Variants in KDM4C observed in about 807,000 individuals in gnomAD.
KDM4C encodes the protein lysine demethylase 4C.
In KDM4C, 81 loss-of-function variants were observed where a neutral mutation model predicts 129.3. That is an observed-to-expected ratio of 0.63 (90% confidence interval 0.52 to 0.75). The LOEUF (loss-of-function observed/expected upper bound fraction) is 0.75, where lower values mean the gene tolerates loss of function less well. Among genes scored for constraint, KDM4C ranks in the 30% least tolerant of loss-of-function variants. The pLI, the probability that KDM4C is intolerant of heterozygous loss-of-function variation, is 0.00. For synonymous variants in KDM4C, 573 were observed against 456.1 expected (o/e 1.26, Z -3.26); for missense variants, 1,457 against 1,304.0 (o/e 1.12, Z -1.81).
At chr9:7,089,460 C>T (rs150939861) in intron 17 of KDM4C, among the ~76,000 whole-genome samples, 108 of 152,248 alleles carry the variant, frequency 7.1e-4, no homozygotes, top group Middle Eastern at 3.4e-3. Flanking sequence ...TACTGTTAGA[C>T]GGGTTCCTTT....
At chr9:6,966,706 G>T (rs1054902398) in intron 8 of KDM4C, among the ~76,000 whole-genome samples, 2 of 152,014 alleles carry the variant, frequency 1.3e-5, no homozygotes, top group African/African-American at 2.4e-5. Flanking sequence ...TTTGTCAAAG[G>T]CATCCAACCA....
intron 8 of KDM4C, among the ~76,000 whole-genome samples, chr9:6,970,741 G>A (rs931745187): frequency 2.6e-5 from 4 of 152,164 alleles, no homozygotes; most frequent in Non-Finnish European, 5.9e-5. Context: ...GAAAGTATGA[G>A]CAGAATTGGT....
intron 17 of KDM4C, among the ~76,000 whole-genome samples, chr9:7,071,645 C>G (rs1477512568): frequency 6.6e-6 from 1 of 152,088 alleles, no homozygotes; most frequent in Non-Finnish European, 1.5e-5. Flanking sequence ...AAACAAACAT[C>G]AAACCAGAAA....
At chr9:6,731,042 T>G (rs972524377) in intron 1 of KDM4C, among the ~76,000 whole-genome samples, 1 of 152,216 alleles carries the variant, frequency 6.6e-6, no homozygotes, top group African/African-American at 2.4e-5. Context: ...CACCCTCTTT[T>G]GGTCATTTTC....
At chr9:6,799,392 G>A (rs528725926) in intron 2 of KDM4C, among the ~76,000 whole-genome samples, 1 of 152,228 alleles carries the variant, frequency 6.6e-6, no homozygotes, top group East Asian at 1.9e-4. Context: ...GCGAAACCCC[G>A]TCTCCACCAA....
intron 4 of KDM4C, among the ~76,000 whole-genome samples, chr9:6,838,594 T>C (rs1836311376): frequency 6.6e-6 from 1 of 152,228 alleles, no homozygotes; most frequent in Non-Finnish European, 1.5e-5. Context: ...TCTTTTTATG[T>C]GGCACTTTCA....
At chr9:6,847,773 A>C (rs187419264) in intron 4 of KDM4C, among the ~76,000 whole-genome samples, 21 of 152,322 alleles carry the variant, frequency 1.4e-4, no homozygotes, top group African/African-American at 4.8e-4. Context: ...TAGAGTGGCT[A>C]CTTAAGAGAA....
intron 1 of KDM4C, among the ~76,000 whole-genome samples, chr9:6,785,575 G>C (rs1351416627): frequency 1.3e-5 from 2 of 152,144 alleles, no homozygotes; most frequent in Non-Finnish European, 2.9e-5. Flanking sequence ...CTGACCTGGT[G>C]ATCTGCCCAC....
intron 8 of KDM4C, among the ~76,000 whole-genome samples, chr9:6,955,272 G>T (rs2131548559): frequency 6.6e-6 from 1 of 152,340 alleles, no homozygotes; most frequent in East Asian, 1.9e-4. Context: ...GAGGTAATCA[G>T]TTCCTTAGGT....
chr9:6,860,876 A>G (rs2130447283), intron 5 of KDM4C, among the ~76,000 whole-genome samples: 1 of 152,278 alleles, frequency 6.6e-6, no homozygotes, highest in East Asian at 1.9e-4. Context: ...AAATCTTATG[A>G]AGGTTGATTA....
At chr9:7,157,002 A>T (rs909345987) in intron 19 of KDM4C, among the ~76,000 whole-genome samples, 1 of 152,192 alleles carries the variant, frequency 6.6e-6, no homozygotes, top group African/African-American at 2.4e-5. Flanking sequence ...ATGTTCTTCC[A>T]TTTGTTTGCG....
chr9:7,041,552 T>TG (rs397943427), intron 15 of KDM4C, among the ~76,000 whole-genome samples: 3 of 151,818 alleles, frequency 2.0e-5, no homozygotes, highest in African/African-American at 7.3e-5. Flanking sequence ...GATTTTTTTT[T>TG]GCTTTTTATT....
At chr9:6,785,118 C>G (rs989739158) in intron 1 of KDM4C, among the ~76,000 whole-genome samples, 5 of 152,186 alleles carry the variant, frequency 3.3e-5, no homozygotes, top group African/African-American at 1.2e-4. Context: ...CAAGAGACGT[C>G]TATCCTGTCA....
chr9:6,805,624 C>T lies in KDM4C; in HGVS notation c.170C>T (p.Pro57Leu), dbSNP rs1448423036. 2 of 1,611,992 alleles carry T rather than the reference C, an allele frequency of 1.2e-6. No homozygotes were observed. Among genetic ancestry groups the T allele is most frequent in the Non-Finnish European group, 1.7e-6 (2 of 1,179,376 alleles). ...AKVIPPKEWK[P>L]RQCYDDIDNL... ...GTGATTCCTCCTAAGGAGTGGAAGC[C>T]AAGACAGTGCTATGATGACATTGAT... Residue 57 changes from proline to leucine, a missense_variant, in exon 3 of 22, where the codon CCA (proline) becomes CTA (leucine). By Grantham distance (98) the Pro-to-Leu change is moderately conservative. Coordinates refer to ENST00000381309, the MANE Select transcript of KDM4C (RefSeq NM_015061.6).
At chr9:7,151,791 T>A (rs1842755162) in intron 19 of KDM4C, among the ~76,000 whole-genome samples, 1 of 152,160 alleles carries the variant, frequency 6.6e-6, no homozygotes, top group Non-Finnish European at 1.5e-5. Context: ...ACCCAGAGCC[T>A]GAAATTACAG....
chr9:7,158,185 G>T (rs1030551123), intron 19 of KDM4C, among the ~76,000 whole-genome samples: 2 of 152,002 alleles, frequency 1.3e-5, no homozygotes, highest in Non-Finnish European at 2.9e-5. Context: ...TTCTCTGTGG[G>T]ATCAGTGGTG....
intron 4 of KDM4C, among the ~76,000 whole-genome samples, chr9:6,831,554 G>C (rs1834831061): frequency 6.6e-6 from 1 of 152,084 alleles, no homozygotes; most frequent in South Asian, 2.1e-4. Flanking sequence ...TGTTGGCCAG[G>C]CTGGTCTCGA....
intron 3 of KDM4C, among the ~76,000 whole-genome samples, chr9:6,806,436 G>A (rs1465321085): frequency 1.3e-5 from 2 of 152,032 alleles, no homozygotes; most frequent in African/African-American, 4.8e-5. Context: ...AGAGGTTGCA[G>A]TGAGCCGAGA....
At chr9:7,051,950 T>G (rs1311758971) in intron 17 of KDM4C, among the ~76,000 whole-genome samples, 1 of 152,160 alleles carries the variant, frequency 6.6e-6, no homozygotes, top group African/African-American at 2.4e-5. Context: ...CCAGCAGCCT[T>G]CACCAAACAG....
Sources: allele counts gnomAD v4.1 joint callset (sites outside exome capture counted in the v4.1 genomes callset), GRCh38; gene constraint gnomAD v4.1.1; transcripts MANE v1.5; gene names NCBI Gene and HGNC (gene_info 2026-07-23, HGNC 2026-07-21).